The following BCAS1 variants were observed in gnomAD, a reference collection of about 807,000 sequenced individuals.
The protein encoded by BCAS1 is brain enriched myelin associated protein 1.
A neutral mutation model predicts 65.4 loss-of-function variants in BCAS1; 46 were observed. That is an observed-to-expected ratio of 0.70 (90% CI 0.55 to 0.90). The LOEUF is 0.90. BCAS1 is among the 40% of genes least tolerant of loss of function. The pLI is 0.00. For synonymous variants in BCAS1, 298 were observed against 293.5 expected (o/e 1.02, Z -0.16); for missense variants, 793 against 771.2 (o/e 1.03, Z -0.33).
At chr20:54,026,034 A>T (rs1366229259) in intron 4 of BCAS1, among the ~76,000 whole-genome samples, 1 of 152,226 alleles carries the variant, frequency 6.6e-6, no homozygotes, top group Non-Finnish European at 1.5e-5. Flanking sequence ...TACATAGTAC[A>T]AAGTGGGCAC....
chr20:54,062,896 C>T (rs751756086), intron 1 of BCAS1, among the ~76,000 whole-genome samples: 1 of 152,240 alleles, frequency 6.6e-6, no homozygotes, highest in Admixed American at 6.5e-5. Flanking sequence ...TTTTAAAGAA[C>T]AGGATTCATC....
At chr20:54,065,096 G>C (rs922216280) in intron 1 of BCAS1, among the ~76,000 whole-genome samples, 12 of 150,220 alleles carry the variant, frequency 8.0e-5, no homozygotes, top group Non-Finnish European at 5.9e-5. Context: ...TCAACTTTAT[G>C]ATGAGTATCT....
intron 4 of BCAS1, among the ~76,000 whole-genome samples, chr20:54,009,147 G>T (rs1388380297): frequency 6.6e-6 from 1 of 152,124 alleles, no homozygotes; most frequent in Non-Finnish European, 1.5e-5. Flanking sequence ...ACAATAAAAT[G>T]CTTCAATTAA....
intron 10 of BCAS1, among the ~76,000 whole-genome samples, chr20:53,959,226 G>C (rs943665194): frequency 6.6e-6 from 1 of 151,826 alleles, no homozygotes; most frequent in African/African-American, 2.4e-5. Context: ...AGATAGATAG[G>C]ACTACAGGTG....
At chr20:53,960,405 T>C in intron 10 of BCAS1, among the ~76,000 whole-genome samples, 1 of 134,044 alleles carries the variant, frequency 7.5e-6, no homozygotes, top group East Asian at 2.4e-4. Flanking sequence ...TCAGCTGACA[T>C]CATGAATCAT....
chr20:53,958,838 A>T (rs747167247), intron 10 of BCAS1, among the ~76,000 whole-genome samples: 2 of 152,204 alleles, frequency 1.3e-5, no homozygotes, highest in Non-Finnish European at 2.9e-5. Flanking sequence ...AGCAGGTTTG[A>T]GTGCCAGTGT....
At chr20:54,049,825 G>A (rs1482425214) in intron 3 of BCAS1, among the ~76,000 whole-genome samples, 2 of 152,172 alleles carry the variant, frequency 1.3e-5, no homozygotes, top group Non-Finnish European at 2.9e-5. Context: ...TTTTACAGAT[G>A]AGACTCAGAA....
chr20:53,960,521 T>C (rs1345671526), intron 10 of BCAS1, among the ~76,000 whole-genome samples: 2 of 149,600 alleles, frequency 1.3e-5, no homozygotes, highest in Non-Finnish European at 3.0e-5. Flanking sequence ...CTCAAACTTT[T>C]CAGTGATTTT....
chr20:54,060,511 G>T (rs2092363735), intron 1 of BCAS1, among the ~76,000 whole-genome samples: 1 of 150,804 alleles, frequency 6.6e-6, no homozygotes, highest in Non-Finnish European at 1.5e-5. Context: ...TAGTAGAGAT[G>T]GGTTTTCACC....
intron 1 of BCAS1, among the ~76,000 whole-genome samples, chr20:54,066,651 G>A (rs899286060): frequency 2.6e-5 from 4 of 152,164 alleles, no homozygotes; most frequent in African/African-American, 7.2e-5. Flanking sequence ...TCTCTCAACC[G>A]TGTGAGGACA....
intron 3 of BCAS1, among the ~76,000 whole-genome samples, chr20:54,041,131 T>G (rs1277480401): frequency 6.6e-6 from 1 of 151,022 alleles, no homozygotes; most frequent in African/African-American, 2.4e-5. Context: ...AATAGGCAAA[T>G]CCATAGAGGC....
chr20:54,019,689 G>A (rs953113473), intron 4 of BCAS1, among the ~76,000 whole-genome samples: 2 of 152,186 alleles, frequency 1.3e-5, no homozygotes, highest in African/African-American at 4.8e-5. Context: ...GAACAAAGCA[G>A]GTGGAAGAAG....
intron 1 of BCAS1, among the ~76,000 whole-genome samples, chr20:54,065,116 CT>C (rs775959458): frequency 1.7e-4 from 17 of 99,282 alleles, no homozygotes; most frequent in African/African-American, 6.0e-4. Context: ...TATCTATCAT[CT>C]ATCTATCTAT....
chr20:54,053,290 A>G (rs1337223732), intron 3 of BCAS1, among the ~76,000 whole-genome samples: 2 of 152,240 alleles, frequency 1.3e-5, no homozygotes, highest in Non-Finnish European at 2.9e-5. Flanking sequence ...ATCCACATGG[A>G]TTGTATTACT....
At chr20:54,040,136 T>C (rs1020057917) in intron 3 of BCAS1, among the ~76,000 whole-genome samples, 1 of 151,652 alleles carries the variant, frequency 6.6e-6, no homozygotes, top group Non-Finnish European at 1.5e-5. Flanking sequence ...GAATAAACTT[T>C]CGTGTTCAAA....
intron 1 of BCAS1, among the ~76,000 whole-genome samples, chr20:54,059,333 C>A (rs1568932233): frequency 6.6e-6 from 1 of 152,154 alleles, no homozygotes; most frequent in Non-Finnish European, 1.5e-5. Context: ...AAATATTTAT[C>A]ATCATGAAAA....
intron 4 of BCAS1, among the ~76,000 whole-genome samples, chr20:54,003,935 G>A (rs1011269578): frequency 6.6e-6 from 1 of 152,360 alleles, no homozygotes; most frequent in African/African-American, 2.4e-5. Flanking sequence ...TGGTTGATTA[G>A]AAGGATGGCT....
intron 4 of BCAS1, among the ~76,000 whole-genome samples, chr20:54,000,550 TA>T (rs1339728808): frequency 6.6e-6 from 1 of 152,222 alleles, no homozygotes; most frequent in Non-Finnish European, 1.5e-5. Flanking sequence ...TGATTTCAAA[TA>T]TTTTTTCTTC....
intron 4 of BCAS1, among the ~76,000 whole-genome samples, chr20:54,021,439 A>G (rs208387): frequency 0.011 from 1,071 of 99,604 alleles, 17 homozygotes; most frequent in African/African-American, 0.033. Context: ...ACCTTGTCTC[A>G]TGGTGTATAT....
Sources: gnomAD v4.1 joint callset for allele counts (sites outside exome capture counted in the v4.1 genomes callset) on GRCh38, gnomAD v4.1.1 for gene constraint, MANE v1.5 for transcripts, NCBI Gene and HGNC (gene_info 2026-07-23, HGNC 2026-07-21) for gene names.